Variants in OCA2 observed in about 807,000 individuals in gnomAD.
OCA2 encodes OCA2 melanosomal transmembrane protein.
OCA2 carries 77 observed loss-of-function variants against 100.2 expected under a neutral mutation model. The ratio of observed to expected loss-of-function variants is 0.77; its 90% CI spans 0.64 to 0.93. The LOEUF is 0.93. Among genes scored for constraint, OCA2 ranks in the 40% least tolerant of loss-of-function variants. The pLI is 0.00. For synonymous variants in OCA2, 432 were observed against 439.2 expected, an observed-to-expected ratio of 0.98 and a Z score of 0.21; for missense variants, 1,062 against 1,089.1, an observed-to-expected ratio of 0.98 and a Z score of 0.35.
intron 5 of OCA2, 111 bp from the exon 6 acceptor site, chr15:28,022,684 T>C: frequency 1.3e-6 from 1 of 772,728 alleles, no homozygotes; most frequent in South Asian, 1.4e-5. Context: ...ACTGTGTGCA[T>C]CCAGTACGCG....
chr15:27,825,540 C>G (rs2034686974), intron 23 of OCA2, among the ~76,000 whole-genome samples: 1 of 152,106 alleles, frequency 6.6e-6, no homozygotes, highest in African/African-American at 2.4e-5. Flanking sequence ...AAGCTGCCCC[C>G]TAGGAAAGGA....
intron 2 of OCA2, among the ~76,000 whole-genome samples, chr15:28,052,156 C>G (rs933568771): frequency 2.0e-5 from 3 of 152,178 alleles, no homozygotes; most frequent in South Asian, 2.1e-4. Context: ...AAAGCCCCAG[C>G]TCAGCTTTGC....
intron 19 of OCA2, among the ~76,000 whole-genome samples, chr15:27,907,585 T>A (rs2038226524): frequency 1.3e-5 from 2 of 151,418 alleles, no homozygotes; most frequent in African/African-American, 2.4e-5. Context: ...TTGAAAAAAA[T>A]TAACAAGATG....
rs760615438 is a variant in OCA2, at chr15:27,871,158, G to A, written c.2240C>T (p.Thr747Ile). 4.3e-6 allele frequency: 7 copies of A among 1,611,742 alleles called. No individual in the cohort carries two copies. The highest frequency in any genetic ancestry group is 2.2e-5 in the South Asian group (2 of 91,056). ...SLIDNIPFTA[T>I]MIPVLLNLSH... ...ACATGGACATGTGCAACTCACCATG[G>A]TAGCAGTGAACGGGATGTTGTCAAT... is the stretch of plus-strand genomic sequence containing the variant. The change falls in exon 21 of 24, where the codon ACC becomes ATC. Residue 747 changes from threonine (T) to isoleucine (I), a missense_variant. Physicochemically the swap from Thr to Ile is moderately conservative, Grantham distance 89 (BLOSUM62 -1). Coordinates refer to ENST00000354638, the MANE Select transcript of OCA2 (RefSeq NM_000275.3).
downstream of OCA2, among the ~76,000 whole-genome samples, chr15:27,752,440 G>A (rs189679383): frequency 2.5e-3 from 373 of 152,244 alleles, 6 homozygotes; most frequent in Admixed American, 0.02. Flanking sequence ...AAGCTCGCGT[G>A]GTCTCTTGAG....
intron 1 of OCA2, among the ~76,000 whole-genome samples, chr15:28,082,434 CTTGAA>C (rs1188627979): frequency 6.6e-6 from 1 of 152,170 alleles, no homozygotes; most frequent in Non-Finnish European, 1.5e-5. Flanking sequence ...CAGCATCATT[CTTGAA>C]GTCAGTGAGA....
intron 2 of OCA2, among the ~76,000 whole-genome samples, chr15:28,050,621 G>A (rs1351336400): frequency 6.6e-6 from 1 of 151,276 alleles, no homozygotes; most frequent in Non-Finnish European, 1.5e-5. Flanking sequence ...GCATGGGAAT[G>A]AGCATACGCA....
chr15:28,058,531 C>T (rs950817453), intron 2 of OCA2, among the ~76,000 whole-genome samples: 2 of 152,172 alleles, frequency 1.3e-5, no homozygotes, highest in Non-Finnish European at 2.9e-5. Flanking sequence ...TGCCCCTCCA[C>T]TGCTCATTTT....
chr15:28,060,456 A>G (rs550605791), intron 2 of OCA2, among the ~76,000 whole-genome samples: 1 of 152,350 alleles, frequency 6.6e-6, no homozygotes, highest in East Asian at 1.9e-4. Context: ...GGGGATAGAA[A>G]AGCACTTCCA....
chr15:27,927,271 G>A (rs1317419333), intron 18 of OCA2, among the ~76,000 whole-genome samples: 2 of 152,114 alleles, frequency 1.3e-5, no homozygotes, highest in African/African-American at 4.8e-5. Context: ...CCTGGGCAAT[G>A]AGAGCCAAAC....
chr15:27,909,751 A>T (rs1228770339), intron 19 of OCA2, among the ~76,000 whole-genome samples: 1 of 152,222 alleles, frequency 6.6e-6, no homozygotes, highest in Non-Finnish European at 1.5e-5. Flanking sequence ...CAAGAAAAAA[A>T]CCCAAATGTA....
intron 19 of OCA2, among the ~76,000 whole-genome samples, chr15:27,880,344 T>G (rs922588587): frequency 6.6e-6 from 1 of 152,246 alleles, no homozygotes; most frequent in Non-Finnish European, 1.5e-5. Context: ...CACTCGTTTT[T>G]GATTCCATTT....
chr15:28,022,621 G>A (rs866856006), intron 5 of OCA2, 48 bp from the exon 6 acceptor site: 1 of 1,385,272 alleles, frequency 7.2e-7, no homozygotes, highest in Non-Finnish European at 1.0e-6. Flanking sequence ...TATGAGAGCA[G>A]TAAGGTATAA....
chr15:27,882,046 A>G (rs2151549042), intron 19 of OCA2, among the ~76,000 whole-genome samples: 1 of 152,158 alleles, frequency 6.6e-6, no homozygotes, highest in South Asian at 2.1e-4. Flanking sequence ...CTTTAGCTGC[A>G]TCCCAGAGGT....
intron 23 of OCA2, among the ~76,000 whole-genome samples, chr15:27,771,514 C>T (rs2031864429): frequency 6.6e-6 from 1 of 152,172 alleles, no homozygotes; most frequent in Non-Finnish European, 1.5e-5. Flanking sequence ...GGGCCGAGTC[C>T]AGCTGAGGTG....
intron 19 of OCA2, among the ~76,000 whole-genome samples, chr15:27,909,119 G>A (rs1436893455): frequency 6.6e-6 from 1 of 152,086 alleles, no homozygotes; most frequent in Non-Finnish European, 1.5e-5. Flanking sequence ...AAAATAAACA[G>A]TAGAGAACTT....
At chr15:27,856,203 C>T (rs2035942759) in intron 21 of OCA2, among the ~76,000 whole-genome samples, 1 of 152,166 alleles carries the variant, frequency 6.6e-6, no homozygotes, top group South Asian at 2.1e-4. Flanking sequence ...GATTAGGGCC[C>T]ACCCTGGTGA....
intron 23 of OCA2, among the ~76,000 whole-genome samples, chr15:27,807,266 C>A (rs2033895805): frequency 6.6e-6 from 1 of 152,108 alleles, no homozygotes; most frequent in South Asian, 2.1e-4. Context: ...GGTCTTTCCC[C>A]AGGGCTCCTC....
At chr15:27,727,540 T>A in the OCA2 span, among the ~76,000 whole-genome samples, 1 of 152,192 alleles carries the variant, frequency 6.6e-6, no homozygotes, top group Admixed American at 6.5e-5. Context: ...AGCACCCAGA[T>A]GCAGGTCCTA....
Sources: gnomAD v4.1 joint callset for allele counts (sites outside exome capture counted in the v4.1 genomes callset) on GRCh38, gnomAD v4.1.1 for gene constraint, MANE v1.5 for transcripts, NCBI Gene and HGNC (gene_info 2026-07-23, HGNC 2026-07-21) for gene names.